ESRRG: variants seen among roughly 807,000 people sequenced by gnomAD.
The protein encoded by ESRRG is estrogen related receptor gamma, also known as estrogen-related receptor gamma.
A neutral mutation model predicts 44.0 loss-of-function variants in ESRRG; 13 were observed. The ratio of observed to expected loss-of-function variants is 0.30; its 90% confidence interval spans 0.19 to 0.47. ESRRG has a LOEUF of 0.47. Among genes scored for constraint, ESRRG ranks in the 20% least tolerant of loss-of-function variants. The pLI is 1.00. For synonymous variants in ESRRG, 215 were observed against 214.6 expected, an observed-to-expected ratio of 1.00 and a Z score of -0.02; for missense variants, 395 against 580.6, an observed-to-expected ratio of 0.68 and a Z score of 3.29.
chr1:216,864,427 TA>T (rs1473427439), intron 2 of ESRRG: 1 of 151,902 alleles, frequency 6.6e-6, no homozygotes, highest in Non-Finnish European at 1.5e-5. Context: ...AAAACATTTA[TA>T]AGAGTGATTT....
intron 3 of ESRRG, among the ~76,000 whole-genome samples, chr1:216,633,247 C>T (rs2064603954): frequency 6.6e-6 from 1 of 152,178 alleles, no homozygotes; most frequent in African/African-American, 2.4e-5. Context: ...GATTTATGCT[C>T]ATAGTCAGAA....
Position 216,954,522 on chromosome 1 carries a change from C to A in ESRRG, c.-105-14849G>T, listed in dbSNP as rs183371294. Among the ~76,000 whole-genome samples, 176 of 152,208 alleles carry A rather than the reference C, an allele frequency of 1.2e-3. 1 individual carries two copies. The highest frequency in any genetic ancestry group is 3.9e-3 in the African/African-American group (163 of 41,542). ...AGAGCAGAGTGCATTATGCAATTTT[C>A]AATATAACGCACTAAAGGCTCCTAA... On this transcript the variant is annotated intron_variant, in intron 1 of 7. Transcript: ENST00000359162.
At chr1:216,861,562 A>T (rs1394024802) in intron 2 of ESRRG, among the ~76,000 whole-genome samples, 1 of 152,108 alleles carries the variant, frequency 6.6e-6, no homozygotes, top group Non-Finnish European at 1.5e-5. Flanking sequence ...ATTGGATAAA[A>T]AAGCGAAATT....
At chr1:216,782,627 A>G (rs1197495959) in intron 2 of ESRRG, among the ~76,000 whole-genome samples, 1 of 152,040 alleles carries the variant, frequency 6.6e-6, no homozygotes, top group African/African-American at 2.4e-5. Context: ...CCTTTAATGA[A>G]CTAGTTCTTT....
chr1:216,903,783 C>T (rs985751183), intron 2 of ESRRG, among the ~76,000 whole-genome samples: 1 of 152,098 alleles, frequency 6.6e-6, no homozygotes. Flanking sequence ...CTATACCAAC[C>T]ACCCTCTGCA....
At chr1:216,606,163 G>A (rs2059908401) in intron 3 of ESRRG, among the ~76,000 whole-genome samples, 1 of 152,152 alleles carries the variant, frequency 6.6e-6, no homozygotes, top group Non-Finnish European at 1.5e-5. Flanking sequence ...ACACTTAAAA[G>A]TGAAATACCT....
At chr1:216,821,228 A>G (rs1387101195) in intron 2 of ESRRG, among the ~76,000 whole-genome samples, 1 of 152,130 alleles carries the variant, frequency 6.6e-6, no homozygotes, top group Non-Finnish European at 1.5e-5. Context: ...TACCCTCACT[A>G]GGACGTGCAG....
chr1:216,537,757 ATTATTCTCT>A (rs1362808307), intron 5 of ESRRG, among the ~76,000 whole-genome samples: 1 of 152,080 alleles, frequency 6.6e-6, no homozygotes, highest in African/African-American at 2.4e-5. Flanking sequence ...TGGAGAACAC[ATTATTCTCT>A]TTGCCACTTT....
intron 1 of ESRRG, among the ~76,000 whole-genome samples, chr1:216,941,636 T>C (rs899294886): frequency 6.6e-6 from 1 of 152,148 alleles, no homozygotes; most frequent in African/African-American, 2.4e-5. Flanking sequence ...CTGTTACCCC[T>C]ATGATTTCCT....
At chr1:217,027,648 GA>G (rs1276293900) in intron 1 of ESRRG, among the ~76,000 whole-genome samples, 1 of 152,022 alleles carries the variant, frequency 6.6e-6, no homozygotes, top group African/African-American at 2.4e-5. Flanking sequence ...TATGTGAAAA[GA>G]AAAAGTTTCA....
chr1:217,109,693 A>G (rs565249987), intron 1 of ESRRG, among the ~76,000 whole-genome samples: 1 of 152,228 alleles, frequency 6.6e-6, no homozygotes, highest in South Asian at 2.1e-4. Context: ...TGCTCTCCTC[A>G]CCAAGGGAGC....
chr1:216,845,561 C>T (rs992941292), intron 2 of ESRRG, among the ~76,000 whole-genome samples: 2 of 152,102 alleles, frequency 1.3e-5, no homozygotes, highest in African/African-American at 4.8e-5. Context: ...CAAGCTGTGC[C>T]CCCATCTCTC....
intron 1 of ESRRG, among the ~76,000 whole-genome samples, chr1:217,015,521 C>A (rs1009906191): frequency 6.6e-6 from 1 of 152,082 alleles, no homozygotes; most frequent in Non-Finnish European, 1.5e-5. Flanking sequence ...TTTCTCTACA[C>A]AGGAGCTCTA....
chr1:216,964,992 T>A (rs982302371), intron 1 of ESRRG, among the ~76,000 whole-genome samples: 1 of 152,200 alleles, frequency 6.6e-6, no homozygotes, highest in Non-Finnish European at 1.5e-5. Flanking sequence ...TTTGCACTAA[T>A]CACATTTCAT....
chr1:216,832,036 AG>A (rs1172487386), intron 2 of ESRRG, among the ~76,000 whole-genome samples: 1 of 152,218 alleles, frequency 6.6e-6, no homozygotes, highest in Non-Finnish European at 1.5e-5. Flanking sequence ...GGGTGCCCAC[AG>A]GTCCCTCTGG....
At chr1:216,716,117 G>A (rs1022520051) in intron 1 of ESRRG, among the ~76,000 whole-genome samples, 8 of 152,084 alleles carry the variant, frequency 5.3e-5, no homozygotes, top group African/African-American at 1.4e-4. Context: ...TGGATTGTCC[G>A]TGTTCCTTTG....
intron 3 of ESRRG, among the ~76,000 whole-genome samples, chr1:216,611,207 T>A (rs2060612002): frequency 4.7e-5 from 2 of 42,880 alleles, no homozygotes; most frequent in African/African-American, 9.8e-5. Context: ...TGAAACTCCG[T>A]CCTCAAAAAA....
intron 2 of ESRRG, among the ~76,000 whole-genome samples, chr1:216,776,590 A>G (rs2093625089): frequency 1.3e-5 from 2 of 152,124 alleles, no homozygotes; most frequent in South Asian, 2.1e-4. Flanking sequence ...AAAATGCTAA[A>G]TGGTTACATC....
chr1:216,675,952 T>C (rs1000215644), intron 2 of ESRRG, among the ~76,000 whole-genome samples: 1 of 152,136 alleles, frequency 6.6e-6, no homozygotes, highest in Non-Finnish European at 1.5e-5. Flanking sequence ...CATCAGCATG[T>C]TTTTTTAAGT....
Sources: allele counts gnomAD v4.1 joint callset (sites outside exome capture counted in the v4.1 genomes callset), GRCh38; gene constraint gnomAD v4.1.1; transcripts MANE v1.5; gene names NCBI Gene and HGNC (gene_info 2026-07-23, HGNC 2026-07-21).